CTNNA3: variants seen among roughly 807,000 people sequenced by gnomAD.
CTNNA3 encodes the protein catenin alpha-3.
A neutral mutation model predicts 95.7 loss-of-function variants in CTNNA3; 76 were observed. The observed-to-expected ratio is 0.79, with a 90% CI of 0.66 to 0.96. The LOEUF (loss-of-function observed/expected upper bound fraction) is 0.96. Ranked by LOEUF, CTNNA3 falls within the 40% of genes least tolerant of loss-of-function variation. The pLI is 0.00. For synonymous variants in CTNNA3, 431 were observed against 374.4 expected (o/e 1.15, Z -1.74); for missense variants, 1,191 against 1,089.8 (o/e 1.09, Z -1.31).
chr10:66,462,350 G>T (rs945894383), intron 11 of CTNNA3, among the ~76,000 whole-genome samples: 1 of 152,026 alleles, frequency 6.6e-6, no homozygotes, highest in Non-Finnish European at 1.5e-5. Flanking sequence ...TGGAAGCACA[G>T]ATTAATTTGG....
intron 2 of CTNNA3, among the ~76,000 whole-genome samples, chr10:67,624,980 G>A (rs1843981478): frequency 6.6e-6 from 1 of 152,076 alleles, no homozygotes; most frequent in South Asian, 2.1e-4. Flanking sequence ...GTCTTTCTGT[G>A]AAGAGTCCCT....
At chr10:67,377,951 C>A (rs968276864) in intron 5 of CTNNA3, among the ~76,000 whole-genome samples, 1 of 152,054 alleles carries the variant, frequency 6.6e-6, no homozygotes, top group Non-Finnish European at 1.5e-5. Flanking sequence ...ACAATCATAG[C>A]TCACTGCAGC....
chr10:66,801,545 TG>T (rs776628804), intron 7 of CTNNA3, among the ~76,000 whole-genome samples: 29 of 151,460 alleles, frequency 1.9e-4, no homozygotes, highest in Non-Finnish European at 3.4e-4. Context: ...CAAAGGTAAA[TG>T]TAATAAAAAG....
chr10:66,488,780 A>AT (rs903868434), intron 11 of CTNNA3, among the ~76,000 whole-genome samples: 2 of 151,596 alleles, frequency 1.3e-5, no homozygotes, highest in Non-Finnish European at 1.5e-5. Flanking sequence ...GGAGCTAGAG[A>AT]TTTTTTTTTA....
At chr10:67,629,738 T>C (rs867822820) in intron 2 of CTNNA3, among the ~76,000 whole-genome samples, 5 of 152,162 alleles carry the variant, frequency 3.3e-5, no homozygotes, top group African/African-American at 1.2e-4. Flanking sequence ...TGAAGTATAA[T>C]TCTGAGAATA....
At chr10:66,451,689 C>A (rs534258153) in intron 11 of CTNNA3, among the ~76,000 whole-genome samples, 1 of 152,000 alleles carries the variant, frequency 6.6e-6, no homozygotes, top group African/African-American at 2.4e-5. Flanking sequence ...ATTTTTTGGA[C>A]TCCTAGATAC....
chr10:65,941,436 A>G (rs560467610), intron 17 of CTNNA3, among the ~76,000 whole-genome samples: 1 of 152,342 alleles, frequency 6.6e-6, no homozygotes, highest in South Asian at 2.1e-4. Flanking sequence ...GGAATAAGAA[A>G]ATGCGTTCAA....
chr10:67,716,002 C>A (rs1375310231), intron 1 of CTNNA3, among the ~76,000 whole-genome samples: 1 of 152,094 alleles, frequency 6.6e-6, no homozygotes, highest in Admixed American at 6.5e-5. Flanking sequence ...TGTAGCTAAT[C>A]AGCTGGATAA....
chr10:67,495,347 A>G (rs1838989131), intron 5 of CTNNA3, among the ~76,000 whole-genome samples: 1 of 152,130 alleles, frequency 6.6e-6, no homozygotes, highest in Non-Finnish European at 1.5e-5. Flanking sequence ...TCCCAGAACT[A>G]AAAAGACTCC....
intron 10 of CTNNA3, among the ~76,000 whole-genome samples, chr10:66,559,486 T>C (rs1320618771): frequency 1.3e-5 from 2 of 151,918 alleles, no homozygotes; most frequent in African/African-American, 4.8e-5. Flanking sequence ...CTTTAGCATC[T>C]AGTGAGCAGA....
chr10:67,478,638 A>T (rs919337693), intron 5 of CTNNA3, among the ~76,000 whole-genome samples: 1 of 152,192 alleles, frequency 6.6e-6, no homozygotes, highest in Admixed American at 6.5e-5. Context: ...GGAGTCTTAA[A>T]CATGGAAATG....
intron 7 of CTNNA3, among the ~76,000 whole-genome samples, chr10:66,988,110 T>C (rs989782069): frequency 1.1e-4 from 17 of 152,164 alleles, no homozygotes; most frequent in African/African-American, 4.1e-4. Flanking sequence ...ACACAGGCTT[T>C]GAAGACAGAA....
intron 9 of CTNNA3, among the ~76,000 whole-genome samples, chr10:66,700,515 T>C (rs1340362133): frequency 2.6e-5 from 4 of 152,190 alleles, no homozygotes; most frequent in African/African-American, 4.8e-5. Context: ...GCCAGTAACA[T>C]AGTGTTTGGT....
intron 7 of CTNNA3, among the ~76,000 whole-genome samples, chr10:67,157,741 G>T (rs1861372817): frequency 2.0e-5 from 3 of 152,044 alleles, no homozygotes; most frequent in South Asian, 2.1e-4. Flanking sequence ...TGTAATAAGA[G>T]ATCAATGGCC....
chr10:66,732,831 T>C (rs1216848341), intron 9 of CTNNA3, among the ~76,000 whole-genome samples: 23 of 152,084 alleles, frequency 1.5e-4, no homozygotes, highest in African/African-American at 4.8e-5. Flanking sequence ...ATTCTCATTC[T>C]GTTACCCAGG....
At chr10:67,380,004 G>C (rs7897573) in intron 5 of CTNNA3, among the ~76,000 whole-genome samples, 1,512 of 113,602 alleles carry the variant, frequency 0.013, 28 homozygotes, top group African/African-American at 0.048. Flanking sequence ...CTGGGCGACA[G>C]AGTGAGACTC....
At chr10:65,938,001 GT>G (rs1466865077) in intron 17 of CTNNA3, among the ~76,000 whole-genome samples, 1 of 148,232 alleles carries the variant, frequency 6.7e-6, no homozygotes, top group Non-Finnish European at 1.5e-5. Flanking sequence ...CCATGTATTA[GT>G]TATTCTGATG....
intron 3 of CTNNA3, among the ~76,000 whole-genome samples, chr10:67,564,321 G>T (rs976703633): frequency 6.7e-6 from 1 of 149,718 alleles, no homozygotes; most frequent in Non-Finnish European, 1.5e-5. Flanking sequence ...TCATAAAAAA[G>T]GATGGGTTGA....
At position 66,693,223 on chromosome 10, in the gene CTNNA3, A is replaced by T. The variant is rs546120996; in HGVS notation, c.1282-71439T>A. Reference sequence around the variant, plus strand: ...GCTGTATTCAGGAAACCCATCTCACACGCAGAGACACACATAGGCTCAAAA... The same window carrying T: ...GCTGTATTCAGGAAACCCATCTCACTCGCAGAGACACACATAGGCTCAAAA... On this transcript the variant is annotated intron_variant, in intron 9 of 17. Coordinates refer to ENST00000433211, the MANE Select transcript of CTNNA3 (RefSeq NM_013266.4). 4.2e-4 allele frequency among the ~76,000 whole-genome samples: 64 copies of T among 152,202 alleles called. 2 individuals carry two copies. Among genetic ancestry groups the T allele is most frequent in the African/African-American group, 1.5e-3 (63 of 41,522 alleles).
Sources: gnomAD v4.1 joint callset for allele counts (sites outside exome capture counted in the v4.1 genomes callset) on GRCh38, gnomAD v4.1.1 for gene constraint, MANE v1.5 for transcripts, NCBI Gene and HGNC (gene_info 2026-07-23, HGNC 2026-07-21) for gene names.